Variants in CMIP observed in about 807,000 individuals in gnomAD.
CMIP encodes c-Maf inducing protein.
CMIP carries 13 observed loss-of-function variants against 97.3 expected under a neutral mutation model. The observed-to-expected ratio is 0.13, with a 90% confidence interval of 0.09 to 0.21. The LOEUF (loss-of-function observed/expected upper bound fraction) is 0.21. Among genes scored for constraint, CMIP ranks in the 10% least tolerant of loss-of-function variants. The pLI is 1.00. For missense variants in CMIP, 847 were observed against 1,024.9 expected, an observed-to-expected ratio of 0.83 and a Z score of 2.37; for synonymous variants, 538 against 436.3, an observed-to-expected ratio of 1.23 and a Z score of -2.91.
chr16:81,597,604 G>A (rs899767427), intron 1 of CMIP, among the ~76,000 whole-genome samples: 10 of 144,066 alleles, frequency 6.9e-5, no homozygotes, highest in Admixed American at 2.7e-4. Context: ...GGGGGGGGGG[G>A]AGTCTCCCAG....
intron 1 of CMIP, among the ~76,000 whole-genome samples, chr16:81,559,094 C>T (rs1463361176): frequency 3.3e-5 from 5 of 152,256 alleles, no homozygotes. Context: ...CTTCCTTCTT[C>T]TGTGTGCGGC....
At chr16:81,551,132 C>T (rs1302853998) in intron 1 of CMIP, among the ~76,000 whole-genome samples, 4 of 151,120 alleles carry the variant, frequency 2.6e-5, no homozygotes, top group African/African-American at 9.7e-5. Flanking sequence ...ATCACACGCA[C>T]CCCAGTTCCA....
intron 1 of CMIP, chr16:81,495,348 A>G (rs17777059): frequency 0.23 from 346,647 of 1,476,210 alleles, 43,719 homozygotes; most frequent in Admixed American, 0.36. Context: ...GGCGACCCAC[A>G]GGCTTCTTGG....
At chr16:81,458,842 G>A (rs1567526197) in intron 1 of CMIP, among the ~76,000 whole-genome samples, 1 of 152,204 alleles carries the variant, frequency 6.6e-6, no homozygotes, top group African/African-American at 2.4e-5. Context: ...GGATAAAGGG[G>A]AGAATACATG....
At chr16:81,645,263 C>A in intron 3 of CMIP, 1 of 745,582 alleles carries the variant, frequency 1.3e-6, no homozygotes, top group Non-Finnish European at 1.9e-6. Flanking sequence ...GCTCATATTT[C>A]CCTGTGGGGT....
chr16:81,491,613 T>C (rs1458364840), intron 1 of CMIP, among the ~76,000 whole-genome samples: 1 of 152,204 alleles, frequency 6.6e-6, no homozygotes, highest in Non-Finnish European at 1.5e-5. Flanking sequence ...TACCCAAGTA[T>C]ACACCAGCTG....
chr16:81,542,823 A>G (rs1262571698), intron 1 of CMIP, among the ~76,000 whole-genome samples: 2 of 152,190 alleles, frequency 1.3e-5, no homozygotes, highest in South Asian at 4.1e-4. Context: ...CCCCACCTCC[A>G]CATACCATCA....
intron 10 of CMIP, among the ~76,000 whole-genome samples, chr16:81,681,273 A>C (rs771462848): frequency 6.6e-6 from 1 of 152,232 alleles, no homozygotes; most frequent in Non-Finnish European, 1.5e-5. Flanking sequence ...CAGGCTGCTT[A>C]AGTTGCTGGC....
chr16:81,450,779 A>G (rs1906158267), intron 1 of CMIP, among the ~76,000 whole-genome samples: 1 of 152,220 alleles, frequency 6.6e-6, no homozygotes, highest in South Asian at 2.1e-4. Flanking sequence ...AAAAATTGAA[A>G]TACTCATGTA....
At chr16:81,456,379 C>T (rs527969382) in intron 1 of CMIP, among the ~76,000 whole-genome samples, 1 of 152,334 alleles carries the variant, frequency 6.6e-6, no homozygotes, top group East Asian at 1.9e-4. Flanking sequence ...AGCTGGAACC[C>T]AGGCAGCCTA....
chr16:81,472,803 C>T (rs12102901), intron 1 of CMIP, among the ~76,000 whole-genome samples: 2,724 of 152,236 alleles, frequency 0.018, 94 homozygotes, highest in African/African-American at 0.062. Flanking sequence ...CTGAGGTGCA[C>T]AGTGGGGTGT....
intron 1 of CMIP, among the ~76,000 whole-genome samples, chr16:81,539,416 A>G (rs2090407058): frequency 6.6e-6 from 1 of 152,194 alleles, no homozygotes; most frequent in Non-Finnish European, 1.5e-5. Context: ...GGATGGATGC[A>G]CACAAGGGCC....
intron 1 of CMIP, among the ~76,000 whole-genome samples, chr16:81,590,969 G>A (rs904102278): frequency 6.6e-6 from 1 of 152,168 alleles, no homozygotes; most frequent in African/African-American, 2.4e-5. Context: ...GATCATTTGT[G>A]TATTGTCTGT....
intron 1 of CMIP, among the ~76,000 whole-genome samples, chr16:81,488,420 A>G (rs2089353864): frequency 6.6e-6 from 1 of 152,192 alleles, no homozygotes; most frequent in Non-Finnish European, 1.5e-5. Context: ...AATGAGTAAT[A>G]CGTATGAAGT....
At chr16:81,692,539 G>A (rs549426583) in intron 11 of CMIP, among the ~76,000 whole-genome samples, 3 of 152,342 alleles carry the variant, frequency 2.0e-5, no homozygotes, top group South Asian at 4.1e-4. Flanking sequence ...CGAAGGAGCC[G>A]ATTACCAAGC....
chr16:81,661,596 T>C (rs60621706), intron 6 of CMIP, among the ~76,000 whole-genome samples: 3,753 of 152,258 alleles, frequency 0.025, 86 homozygotes, highest in East Asian at 0.13. Flanking sequence ...CCCTCCCCGC[T>C]CCCATTACCT....
chr16:81,664,453 G>A, intron 7 of CMIP, 104 bp downstream of exon 7: 1 of 1,130,016 alleles, frequency 8.8e-7, no homozygotes, highest in Non-Finnish European at 1.3e-6. Context: ...AATGTGGTTG[G>A]CCCAGCGTGA....
At chr16:81,529,724 G>A (rs2090196207) in intron 1 of CMIP, among the ~76,000 whole-genome samples, 1 of 152,156 alleles carries the variant, frequency 6.6e-6, no homozygotes, top group South Asian at 2.1e-4. Context: ...GAGGCAGAGA[G>A]CAGCCTTGCA....
At chr16:81,598,686 G>C (rs2091604794) in intron 1 of CMIP, among the ~76,000 whole-genome samples, 1 of 152,216 alleles carries the variant, frequency 6.6e-6, no homozygotes, top group Non-Finnish European at 1.5e-5. Flanking sequence ...GTAACGTTCG[G>C]CTGGGCATGG....
Sources: gnomAD v4.1 joint callset for allele counts (sites outside exome capture counted in the v4.1 genomes callset) on GRCh38, gnomAD v4.1.1 for gene constraint, MANE v1.5 for transcripts, NCBI Gene and HGNC (gene_info 2026-07-23, HGNC 2026-07-21) for gene names.